Variants in CDH13 observed in about 807,000 individuals in gnomAD.
CDH13 encodes cadherin 13.
In CDH13, 24 loss-of-function variants were observed where a neutral mutation model predicts 63.8. The ratio of observed to expected loss-of-function variants is 0.38; its 90% CI spans 0.27 to 0.53. The LOEUF is 0.53. Ranked by LOEUF, CDH13 falls within the 20% of genes least tolerant of loss-of-function variation. The pLI is 0.85. For missense variants in CDH13, 1,049 were observed against 903.1 expected (o/e 1.16, Z -2.07); for synonymous variants, 503 against 355.3 (o/e 1.42, Z -4.67).
chr16:82,650,898 T>C (rs921406964), intron 1 of CDH13, among the ~76,000 whole-genome samples: 2 of 152,206 alleles, frequency 1.3e-5, no homozygotes, highest in African/African-American at 4.8e-5. Flanking sequence ...AATTGGAAAG[T>C]TAAAACAATA....
chr16:83,016,426 G>T (rs930896533), intron 2 of CDH13, among the ~76,000 whole-genome samples: 2 of 152,136 alleles, frequency 1.3e-5, no homozygotes, highest in Non-Finnish European at 2.9e-5. Flanking sequence ...CTCTTCTAGG[G>T]CTAGCACCAA....
At chr16:82,996,226 C>T (rs1327331364) in intron 2 of CDH13, among the ~76,000 whole-genome samples, 16 of 150,724 alleles carry the variant, frequency 1.1e-4, no homozygotes, top group Admixed American at 9.9e-4. Context: ...TGTTGTATAT[C>T]GAAAATCAGT....
At chr16:83,630,528 G>T (rs894764553) in intron 8 of CDH13, among the ~76,000 whole-genome samples, 1 of 152,200 alleles carries the variant, frequency 6.6e-6, no homozygotes, top group African/African-American at 2.4e-5. Context: ...ACAAATGGTT[G>T]CATTCTTTTG....
chr16:83,562,500 CT>C (rs2075726714), intron 7 of CDH13, among the ~76,000 whole-genome samples: 1 of 152,166 alleles, frequency 6.6e-6, no homozygotes, highest in East Asian at 1.9e-4. Flanking sequence ...TTCTATTTGC[CT>C]ATTTCATGAA....
chr16:83,687,070 A>G (rs1406816778), intron 10 of CDH13, among the ~76,000 whole-genome samples: 1 of 152,132 alleles, frequency 6.6e-6, no homozygotes, highest in African/African-American at 2.4e-5. Flanking sequence ...AAAGTTAGCC[A>G]GGCATGGTGG....
At chr16:83,782,842 C>G (rs753637828) in intron 12 of CDH13, among the ~76,000 whole-genome samples, 1 of 152,170 alleles carries the variant, frequency 6.6e-6, no homozygotes, top group South Asian at 2.1e-4. Flanking sequence ...GGATTTTCAC[C>G]TTAGCTTTCT....
At chr16:83,710,173 C>A (rs1907799266) in intron 10 of CDH13, 1 of 152,198 alleles carries the variant, frequency 6.6e-6, no homozygotes, top group Non-Finnish European at 1.5e-5. Context: ...AATTATCCAA[C>A]CCCAGATGTC....
At chr16:83,301,942 A>C (rs1367287694) in intron 5 of CDH13, among the ~76,000 whole-genome samples, 1 of 151,666 alleles carries the variant, frequency 6.6e-6, no homozygotes, top group African/African-American at 2.4e-5. Flanking sequence ...TTGAAAGATC[A>C]ATGAGACTTC....
intron 2 of CDH13, among the ~76,000 whole-genome samples, chr16:82,883,321 A>G (rs1422365566): frequency 1.3e-5 from 2 of 152,186 alleles, no homozygotes; most frequent in Non-Finnish European, 2.9e-5. Flanking sequence ...CCATCACATC[A>G]TTGTATTTAA....
chr16:83,564,809 G>A (rs193192769), intron 7 of CDH13, among the ~76,000 whole-genome samples: 2 of 152,334 alleles, frequency 1.3e-5, no homozygotes, highest in East Asian at 3.9e-4. Context: ...AGAGTATGGA[G>A]GTTGGAGAAA....
chr16:83,024,426 G>A (rs1293002043), intron 2 of CDH13, among the ~76,000 whole-genome samples: 1 of 152,148 alleles, frequency 6.6e-6, no homozygotes, highest in Admixed American at 6.6e-5. Flanking sequence ...GAAATTGTGA[G>A]TCTGGAAGCT....
intron 6 of CDH13, among the ~76,000 whole-genome samples, chr16:83,447,307 C>G (rs1487050935): frequency 6.6e-6 from 1 of 151,484 alleles, no homozygotes; most frequent in African/African-American, 2.4e-5. Flanking sequence ...CCCAGCTACT[C>G]AGGAGGCCAA....
intron 1 of CDH13, among the ~76,000 whole-genome samples, chr16:82,800,909 C>A (rs1354041444): frequency 1.3e-5 from 2 of 152,054 alleles, no homozygotes; most frequent in African/African-American, 4.8e-5. Context: ...ACCTTATTTC[C>A]TTTTTCCTCC....
chr16:83,109,341 C>T (rs2034950105), intron 3 of CDH13, among the ~76,000 whole-genome samples: 1 of 152,102 alleles, frequency 6.6e-6, no homozygotes, highest in Non-Finnish European at 1.5e-5. Context: ...GTGTCTAACC[C>T]CTCAACTGCT....
Position 82,650,729 on chromosome 16 carries a change from C to T in CDH13, c.45+23592C>T, listed in dbSNP as rs185139857. 2.7e-3 allele frequency among the ~76,000 whole-genome samples: 412 copies of T among 152,280 alleles called. 3 individuals are homozygous for T. The highest frequency in any genetic ancestry group is 8.8e-3 in the African/African-American group (366 of 41,542). ...CCTCCTGCCCTTGGTGATCATGAAA[C>T]CTGCCAAAGAAGCATTCTCTCTGAG... On this transcript the variant is annotated intron_variant, in intron 1 of 13. Transcript: ENST00000567109.
At chr16:82,783,616 C>G (rs1010921136) in intron 1 of CDH13, among the ~76,000 whole-genome samples, 1 of 152,176 alleles carries the variant, frequency 6.6e-6, no homozygotes, top group African/African-American at 2.4e-5. Context: ...GTCTTGGAGC[C>G]AAAGTAAGTT....
intron 1 of CDH13, chr16:82,826,639 C>T (rs1005535245): frequency 6.6e-5 from 10 of 152,108 alleles, no homozygotes; most frequent in East Asian, 1.9e-4. Context: ...GGGGAAAAGG[C>T]GAAGGGCTCC....
At chr16:82,864,411 C>T (rs1008910674) in intron 2 of CDH13, among the ~76,000 whole-genome samples, 5 of 152,114 alleles carry the variant, frequency 3.3e-5, no homozygotes, top group Non-Finnish European at 5.9e-5. Flanking sequence ...ACTCACAATT[C>T]AGCATGGCTG....
chr16:82,898,637 G>A (rs765336306), intron 2 of CDH13, among the ~76,000 whole-genome samples: 17 of 152,188 alleles, frequency 1.1e-4, no homozygotes, highest in Admixed American at 2.0e-4. Flanking sequence ...CACAGAGCCC[G>A]GAGCAAATGT....
Sources: gnomAD v4.1 joint callset for allele counts (sites outside exome capture counted in the v4.1 genomes callset) on GRCh38, gnomAD v4.1.1 for gene constraint, MANE v1.5 for transcripts, NCBI Gene and HGNC (gene_info 2026-07-23, HGNC 2026-07-21) for gene names.